MOB1A: variants seen among roughly 807,000 people sequenced by gnomAD.
MOB1A encodes the protein MOB1 Mps One Binder homolog A.
A neutral mutation model predicts 25.1 loss-of-function variants in MOB1A; 10 were observed. The ratio of observed to expected loss-of-function variants is 0.40; its 90% CI spans 0.25 to 0.68. The LOEUF is 0.68. Ranked by LOEUF, MOB1A falls within the 30% of genes least tolerant of loss-of-function variation. The pLI is 0.40. For synonymous variants in MOB1A, 81 were observed against 79.5 expected (o/e 1.02, Z -0.10); for missense variants, 177 against 256.3 (o/e 0.69, Z 2.11).
chr2:74,173,374 C>CA (rs1693351404), intron 1 of MOB1A, among the ~76,000 whole-genome samples: 1 of 116,196 alleles, frequency 8.6e-6, no homozygotes, highest in Non-Finnish European at 1.7e-5. Context: ...GCCTCAATTT[C>CA]GGTTTTTTTT....
At chr2:74,165,379 A>G in intron 3 of MOB1A, 28 bp from the exon 4 acceptor site, 1 of 1,408,524 alleles carries the variant, frequency 7.1e-7, no homozygotes, top group Non-Finnish European at 9.4e-7. Flanking sequence ...TTACTGATAA[A>G]TTTTTCAAAA....
At chr2:74,173,063 G>A in intron 1 of MOB1A, 1 of 451,958 alleles carries the variant, frequency 2.2e-6, no homozygotes, top group South Asian at 1.6e-5. Flanking sequence ...TTGAACCTGG[G>A]AGGCAGAGGT....
Position 74,167,122 on chromosome 2 carries a change from G to T in MOB1A, c.182-15C>A. 6.2e-7 allele frequency: 1 copy of T among 1,600,484 alleles called. No homozygotes were observed. Among genetic ancestry groups the T allele is most frequent in the Non-Finnish European group, 8.5e-7 (1 of 1,170,046 alleles). On this transcript the variant is annotated splice_polypyrimidine_tract_variant and intron_variant, in intron 2 of 5. Transcript: ENST00000396049. ...GAAATCCACAGCTGCAGAGATAATAGAATTGTGTCAAAATGTCTGTGTAAA... is the reference window on the plus strand; with the variant it reads ...GAAATCCACAGCTGCAGAGATAATATAATTGTGTCAAAATGTCTGTGTAAA...
chr2:74,173,965 A>AAG (rs1558839238), intron 1 of MOB1A, among the ~76,000 whole-genome samples: 1 of 137,800 alleles, frequency 7.3e-6, no homozygotes, highest in Non-Finnish European at 1.5e-5. Context: ...AAAAAAAAAA[A>AAG]AAAAGAAAAT....
At position 74,167,006 on chromosome 2, in the gene MOB1A, A is replaced by T; in HGVS notation, c.275+8T>A. On this transcript the variant is annotated splice_region_variant and intron_variant, in intron 3 of 5. Transcript: ENST00000396049. ...TCCAAACACCTATATAATAGGCAGTATATGTACCTCGGACCTGCAGACATG... is the reference window on the plus strand; with the variant it reads ...TCCAAACACCTATATAATAGGCAGTTTATGTACCTCGGACCTGCAGACATG... 1 of 1,602,504 alleles carries T rather than the reference A, an allele frequency of 6.2e-7. No homozygotes were observed. The highest frequency in any genetic ancestry group is 8.5e-7 in the Non-Finnish European group (1 of 1,169,880).
chr2:74,165,470 T>C, intron 3 of MOB1A, 119 bp from the exon 4 acceptor site: 1 of 548,126 alleles, frequency 1.8e-6, no homozygotes, highest in Non-Finnish European at 3.0e-6. Context: ...CTTTAATAAA[T>C]CACCTTAAGT....
intron 1 of MOB1A, among the ~76,000 whole-genome samples, chr2:74,177,759 T>A (rs898878779): frequency 6.6e-6 from 1 of 152,196 alleles, no homozygotes; most frequent in Admixed American, 6.5e-5. Flanking sequence ...GGATAATTAT[T>A]CAATCACAAA....
intron 3 of MOB1A, among the ~76,000 whole-genome samples, chr2:74,166,702 G>A (rs1277062373): frequency 6.6e-6 from 1 of 152,186 alleles, no homozygotes; most frequent in Admixed American, 6.5e-5. Flanking sequence ...TGGGAGTGGT[G>A]GCACAGGCCT....
At chr2:74,178,423 G>C (rs1476713808) in intron 1 of MOB1A, 1 of 345,112 alleles carries the variant, frequency 2.9e-6, no homozygotes, top group East Asian at 4.2e-5. Context: ...AGGCGCGACG[G>C]CCCCGGGGCC....
At chr2:74,178,594 G>C in intron 1 of MOB1A, 67 bp downstream of exon 1, 1 of 1,240,174 alleles carries the variant, frequency 8.1e-7, no homozygotes, top group Non-Finnish European at 1.1e-6. Flanking sequence ...CCTCGCCTCA[G>C]GTCCGGGGAG....
At position 74,160,260 on chromosome 2, in the gene MOB1A, T is replaced by C. The variant is rs545190460; in HGVS notation, c.410-1006A>G. Among the ~76,000 whole-genome samples the C allele has an allele frequency of 4.7e-4, 71 of 152,164 alleles. 1 individual carries two copies. The highest frequency in any genetic ancestry group is 6.9e-4 in the Non-Finnish European group (47 of 67,988). Reference sequence around the variant, plus strand: ...ACGTTGAGAGGCCGTAGTGGACAGATTGCCTGAGCTCATAAGCCTGAGTTC... The same window carrying C: ...ACGTTGAGAGGCCGTAGTGGACAGACTGCCTGAGCTCATAAGCCTGAGTTC... On this transcript the variant is annotated intron_variant, in intron 4 of 5. Transcript: ENST00000396049.
At chr2:74,163,063 A>C (rs564801004) in intron 4 of MOB1A, among the ~76,000 whole-genome samples, 2 of 152,220 alleles carry the variant, frequency 1.3e-5, no homozygotes. Context: ...CCAAAAGCCA[A>C]GATTTCGGCT....
At chr2:74,178,261 C>A (rs1693533755) in intron 1 of MOB1A, 1 of 159,106 alleles carries the variant, frequency 6.3e-6, no homozygotes, top group Non-Finnish European at 1.4e-5. Flanking sequence ...GCATTTAACA[C>A]CGACAATAAT....
intron 2 of MOB1A, among the ~76,000 whole-genome samples, chr2:74,170,982 T>A (rs865810702): frequency 6.6e-6 from 1 of 151,992 alleles, no homozygotes. Flanking sequence ...AAAAAAATTT[T>A]AAAAAGAAAA....
chr2:74,159,970 C>G (rs967779154), intron 4 of MOB1A, among the ~76,000 whole-genome samples: 1 of 152,100 alleles, frequency 6.6e-6, no homozygotes, highest in Non-Finnish European at 1.5e-5. Flanking sequence ...GCGTGCACTA[C>G]TACACCTGGC....
intron 1 of MOB1A, among the ~76,000 whole-genome samples, chr2:74,176,278 A>T (rs1400704855): frequency 6.9e-6 from 1 of 145,898 alleles, no homozygotes; most frequent in African/African-American, 2.6e-5. Flanking sequence ...CCTGTCTCAA[A>T]AAAAAAAAAA....
intron 2 of MOB1A, among the ~76,000 whole-genome samples, chr2:74,171,527 A>T (rs1021884859): frequency 7.9e-5 from 12 of 152,186 alleles, no homozygotes; most frequent in African/African-American, 1.7e-4. Context: ...TCACAAACTG[A>T]TATTTGTTGG....
chr2:74,166,766 G>A (rs763330612), intron 3 of MOB1A, among the ~76,000 whole-genome samples: 18 of 152,190 alleles, frequency 1.2e-4, no homozygotes, highest in Non-Finnish European at 2.2e-4. Flanking sequence ...AACCCGGAAG[G>A]CAGAGGTTGT....
intron 1 of MOB1A, chr2:74,177,943 T>C (rs1303147511): frequency 6.6e-6 from 1 of 152,248 alleles, no homozygotes; most frequent in East Asian, 1.9e-4. Flanking sequence ...AATGAGATTC[T>C]AAGGTATGCC....
Sources: allele counts gnomAD v4.1 joint callset (sites outside exome capture counted in the v4.1 genomes callset), GRCh38; gene constraint gnomAD v4.1.1; transcripts MANE v1.5; gene names NCBI Gene and HGNC (gene_info 2026-07-23, HGNC 2026-07-21).